The following ROCK2 variants were observed in gnomAD, a reference collection of about 807,000 sequenced individuals.
ROCK2 encodes the protein Rho associated coiled-coil containing protein kinase 2.
A neutral mutation model predicts 195.1 loss-of-function variants in ROCK2; 61 were observed. That is an observed-to-expected ratio of 0.31 (90% confidence interval 0.25 to 0.39). The LOEUF is 0.39. Among genes scored for constraint, ROCK2 ranks in the 10% least tolerant of loss-of-function variants. The pLI is 1.00. For missense variants in ROCK2, 1,109 were observed against 1,637.4 expected, an observed-to-expected ratio of 0.68 and a Z score of 5.57; for synonymous variants, 504 against 545.5, an observed-to-expected ratio of 0.92 and a Z score of 1.06.
intron 1 of ROCK2, among the ~76,000 whole-genome samples, chr2:11,335,148 C>G (rs934611627): frequency 1.2e-4 from 18 of 145,454 alleles, no homozygotes; most frequent in Non-Finnish European, 2.3e-4. Flanking sequence ...CACACACACA[C>G]AGACACACAC....
At chr2:11,198,253 A>G (rs1432432747) in intron 25 of ROCK2, among the ~76,000 whole-genome samples, 1 of 152,238 alleles carries the variant, frequency 6.6e-6, no homozygotes, top group Non-Finnish European at 1.5e-5. Flanking sequence ...ACAACAATAA[A>G]TTGAAAGAGA....
At position 11,209,815 on chromosome 2, in the gene ROCK2, TAATG is replaced by T. The variant is rs554322173; in HGVS notation, c.2204-1372_2204-1369del. 1.1e-4 allele frequency among the ~76,000 whole-genome samples: 17 copies of T among 152,352 alleles called. No individual in the cohort carries two copies. The South Asian group carries it at 2.3e-3, about 20-fold the overall frequency. ...ATTAAACCTATGAATATTTAGTGTTTAATGAATGGTCTTCAAAAGTGCAGAAAAA... is the reference window on the plus strand; with the variant it reads ...ATTAAACCTATGAATATTTAGTGTTTAATGGTCTTCAAAAGTGCAGAAAAA... On this transcript the variant is annotated intron_variant, in intron 18 of 32. Transcript: ENST00000315872.
chr2:11,249,551 C>T (rs530079949), intron 4 of ROCK2, 110 bp downstream of exon 4: 13 of 802,034 alleles, frequency 1.6e-5, no homozygotes, highest in Non-Finnish European at 2.3e-5. Context: ...AAAATAACTG[C>T]ACTGTTACCA....
rs1663032878 is a variant in ROCK2 at position 11,182,225 on chromosome 2, C to CCA, written c.*1210_*1211dup. The CCA allele has an allele frequency of 1.3e-5, 2 of 152,138 alleles. No homozygotes were observed. 9.4% of individuals were successfully genotyped at this position (152,138 alleles called of 1,614,324 possible). The stretch of plus-strand genomic sequence containing the variant: ...TTCTTAACCCGGTACTAAAATACTG[C>CCA]CACACACAGCTGCATGTCTGAGGAT... On this transcript the variant is annotated 3_prime_UTR_variant, in exon 33 of 33. Transcript: ENST00000315872.
At chr2:11,185,987 G>T (rs1663182808) in intron 32 of ROCK2, among the ~76,000 whole-genome samples, 1 of 152,122 alleles carries the variant, frequency 6.6e-6, no homozygotes, top group South Asian at 2.1e-4. Flanking sequence ...ACTGAAAAGG[G>T]CCCAAATATT....
intron 3 of ROCK2, among the ~76,000 whole-genome samples, chr2:11,280,953 C>T (rs776521836): frequency 1.2e-3 from 179 of 152,020 alleles, no homozygotes; most frequent in Non-Finnish European, 1.5e-3. Flanking sequence ...AAACTACAAA[C>T]CATTATCTCT....
In ROCK2 at chr2:11,182,387, A is replaced by T. The variant is rs762068934; in HGVS notation, c.*1050T>A. On this transcript the variant is annotated 3_prime_UTR_variant, in exon 33 of 33. Coordinates refer to ENST00000315872, the MANE Select transcript of ROCK2 (RefSeq NM_004850.5). ...TAAAAACACATCTAGGGTAGCCAGC[A>T]AATTTAAAGCAAATAAAATATTTTG... is the stretch of plus-strand genomic sequence containing the variant. The T allele has an allele frequency of 9.9e-5, 15 of 152,258 alleles. No homozygotes were observed. The highest frequency in any genetic ancestry group is 1.8e-4 in the Non-Finnish European group (12 of 68,052). 9.4% of individuals were successfully genotyped at this position (152,258 alleles called of 1,614,324 possible). A position where few individuals can be genotyped will look rare whatever the true frequency, so the allele number is the denominator to read the frequency against.
rs372024388 is a variant in ROCK2 at position 11,236,005 on chromosome 2, C to T, written c.463-43G>A. 5.2e-5 allele frequency: 75 copies of T among 1,434,526 alleles called. 2 individuals carry two copies. In the African/African-American group the frequency reaches 7.7e-4, roughly 15 times the overall value. The allele number at this position is 1,434,526 out of a possible 1,614,324, so 88.9% of individuals were successfully genotyped here. On this transcript the variant is annotated intron_variant, in intron 4 of 32. Transcript: ENST00000315872. ...AAGGAAAAATTTTTAAAAACCCAAA[C>T]CAAAAATCATAATCAGAACAAAAAT...
At chr2:11,288,645 A>G (rs1305597729) in intron 1 of ROCK2, among the ~76,000 whole-genome samples, 2 of 142,380 alleles carry the variant, frequency 1.4e-5, no homozygotes, top group African/African-American at 4.9e-5. Context: ...ACACCCTGCT[A>G]AAAGAAACAA....
At chr2:11,288,623 A>G (rs575243058) in intron 1 of ROCK2, among the ~76,000 whole-genome samples, 12 of 152,300 alleles carry the variant, frequency 7.9e-5, no homozygotes, top group African/African-American at 2.2e-4. Flanking sequence ...TCTAGTCTCA[A>G]TGATCAGACT....
rs190209490 is a variant in ROCK2, at chr2:11,264,046, G to A, written c.325-14248C>T. ...ATTCCACTACACATAAACCAGGAATGGGGATAGGAGTAATACATGAGAACG... is the reference window on the plus strand; with the variant it reads ...ATTCCACTACACATAAACCAGGAATAGGGATAGGAGTAATACATGAGAACG... On this transcript the variant is annotated intron_variant, in intron 3 of 32. Coordinates refer to ENST00000315872, the MANE Select transcript of ROCK2 (RefSeq NM_004850.5). Among the ~76,000 whole-genome samples the A allele has an allele frequency of 3.6e-4, 54 of 152,016 alleles. 2 individuals are homozygous for A. In the East Asian group the frequency reaches 7.1e-3, roughly 20 times the overall value.
rs1200403214 is a variant in ROCK2, at chr2:11,184,635, AAAAT to A, written c.4164-1199_4164-1196del. The A allele has an allele frequency of 1.2e-3, 1,187 of 985,166 alleles. 5 individuals are homozygous for A. In the African/African-American group the frequency reaches 0.02, roughly 16 times the overall value. The allele number at this position is 985,166 out of a possible 1,614,324, so 61.0% of individuals were successfully genotyped here. A position where few individuals can be genotyped will look rare whatever the true frequency, so the allele number is the denominator to read the frequency against. On this transcript the variant is annotated intron_variant, in intron 32 of 32. Transcript: ENST00000315872. ...ACCACATGCACTACGTTGAAGTACT[AAAAT>A]AACTGATTTTTCATTTTTTGATTTA...
chr2:11,206,351 A>C (rs1374694691), intron 20 of ROCK2, among the ~76,000 whole-genome samples: 1 of 152,188 alleles, frequency 6.6e-6, no homozygotes, highest in Non-Finnish European at 1.5e-5. Context: ...AGAAGTGGGA[A>C]GGAAACACAA....
intron 10 of ROCK2, 62 bp downstream of exon 10, chr2:11,218,904 G>A: frequency 2.1e-6 from 2 of 945,322 alleles, no homozygotes; most frequent in Non-Finnish European, 3.2e-6. Context: ...AAAAACATGG[G>A]GATTACTAAA....
At chr2:11,266,197 A>G (rs1208177597) in intron 3 of ROCK2, among the ~76,000 whole-genome samples, 1 of 152,134 alleles carries the variant, frequency 6.6e-6, no homozygotes, top group African/African-American at 2.4e-5. Context: ...CTCCTGAGGG[A>G]CCTGCCTGAG....
upstream of ROCK2, among the ~76,000 whole-genome samples, chr2:11,345,217 C>T (rs1331141204): frequency 1.3e-5 from 2 of 152,212 alleles, no homozygotes; most frequent in African/African-American, 4.8e-5. Flanking sequence ...GAATCCTAGT[C>T]CTGGGGCAGG....
At chr2:11,343,068 T>C (rs1357562784) in intron 1 of ROCK2, among the ~76,000 whole-genome samples, 1 of 152,298 alleles carries the variant, frequency 6.6e-6, no homozygotes, top group East Asian at 1.9e-4. Flanking sequence ...CCTCCCACCC[T>C]AGTTCTAGTC....
At chr2:11,300,305 C>A (rs1218385103) in intron 1 of ROCK2, among the ~76,000 whole-genome samples, 1 of 152,170 alleles carries the variant, frequency 6.6e-6, no homozygotes, top group African/African-American at 2.4e-5. Context: ...TCTTGTTGCC[C>A]AGGCTAGAGT....
chr2:11,344,907 G>C (rs1442392399), upstream of ROCK2, among the ~76,000 whole-genome samples: 3 of 148,962 alleles, frequency 2.0e-5, no homozygotes, highest in East Asian at 4.0e-4. The surrounding 1 kb of genome is among the most constrained non-coding windows in gnomAD (Gnocchi z 5.4). Context: ...GACGCACCCA[G>C]GCCGGGTCCT....
Sources: gnomAD v4.1 joint callset for allele counts (sites outside exome capture counted in the v4.1 genomes callset) on GRCh38, gnomAD v4.1.1 for gene constraint, Gnocchi (gnomAD v3.1) non-coding constraint, MANE v1.5 for transcripts, NCBI Gene and HGNC (gene_info 2026-07-23, HGNC 2026-07-21) for gene names.